The following MPP7 variants were observed in gnomAD, a reference collection of about 807,000 sequenced individuals.
MPP7 encodes the protein MAGUK p55 scaffold protein 7, also known as MAGUK p55 subfamily member 7.
In MPP7, 60 loss-of-function variants were observed where a neutral mutation model predicts 76.5. The ratio of observed to expected loss-of-function variants is 0.78; its 90% CI spans 0.64 to 0.97. MPP7 has a LOEUF of 0.97. Ranked by LOEUF, MPP7 falls within the 50% of genes least tolerant of loss-of-function variation. The pLI is 0.00. For synonymous variants in MPP7, 237 were observed against 244.5 expected, an observed-to-expected ratio of 0.97 and a Z score of 0.29; for missense variants, 641 against 694.0, an observed-to-expected ratio of 0.92 and a Z score of 0.86.
At chr10:28,176,883 G>T (rs187842294) in intron 3 of MPP7, among the ~76,000 whole-genome samples, 11 of 146,946 alleles carry the variant, frequency 7.5e-5, no homozygotes, top group Admixed American at 1.4e-4. Flanking sequence ...GTCGTGGGGT[G>T]GGGGGGTGGG....
intron 12 of MPP7, among the ~76,000 whole-genome samples, chr10:28,080,039 G>T (rs1017852106): frequency 1.4e-5 from 2 of 140,690 alleles, no homozygotes; most frequent in Non-Finnish European, 3.1e-5. Flanking sequence ...AGAAGGCAGA[G>T]GTTGCAGTGA....
At chr10:28,117,825 G>T (rs927860176) in intron 11 of MPP7, among the ~76,000 whole-genome samples, 3 of 151,982 alleles carry the variant, frequency 2.0e-5, no homozygotes, top group Non-Finnish European at 2.9e-5. Flanking sequence ...ATATGTTTAT[G>T]ATTTAATAAG....
At chr10:28,170,798 T>C (rs567583375) in intron 3 of MPP7, among the ~76,000 whole-genome samples, 3 of 152,166 alleles carry the variant, frequency 2.0e-5, no homozygotes, top group Non-Finnish European at 4.4e-5. Flanking sequence ...TTCTTCCCAA[T>C]GCCCATTCAA....
At chr10:28,190,926 G>T (rs910759258) in intron 3 of MPP7, among the ~76,000 whole-genome samples, 1 of 151,900 alleles carries the variant, frequency 6.6e-6, no homozygotes, top group Admixed American at 6.6e-5. Context: ...TACAAATTAC[G>T]AATATCAGAA....
chr10:28,127,694 C>T (rs1166297800), intron 6 of MPP7, among the ~76,000 whole-genome samples: 4 of 152,070 alleles, frequency 2.6e-5, no homozygotes, highest in African/African-American at 7.2e-5. Context: ...TCCCACGACA[C>T]GTGGTTATTA....
chr10:28,302,725 G>A (rs1252749301), intron 1 of MPP7, among the ~76,000 whole-genome samples, 136 bp downstream of exon 1: 2 of 151,982 alleles, frequency 1.3e-5, no homozygotes, highest in Non-Finnish European at 2.9e-5. Context: ...GGCGCCTAGA[G>A]GCCGGCAGGA....
At chr10:28,087,979 T>C (rs1045312982) in intron 12 of MPP7, among the ~76,000 whole-genome samples, 9 of 152,198 alleles carry the variant, frequency 5.9e-5, no homozygotes, top group Non-Finnish European at 1.0e-4. Flanking sequence ...GATGTGGACA[T>C]TATTAATAAA....
rs557098677 is a variant in MPP7, at chr10:28,323,109, A to G, written c.-132+6820T>C. 1.4e-4 allele frequency among the ~76,000 whole-genome samples: 22 copies of G among 152,060 alleles called. No individual in the cohort carries two copies. In the South Asian group the frequency reaches 1.9e-3, roughly 13 times the overall value. On this transcript the variant is annotated intron_variant, in intron 2 of 11. Transcript: ENST00000441595. The stretch of plus-strand genomic sequence containing the variant: ...AGACCATCCTGGCTAACACGGTGAA[A>G]CCCCGTCTCTACTAAAAATACAAAC...
At chr10:28,111,571 A>G (rs1021705748) in intron 11 of MPP7, among the ~76,000 whole-genome samples, 7 of 152,196 alleles carry the variant, frequency 4.6e-5, no homozygotes, top group Non-Finnish European at 8.8e-5. Context: ...AAAATAGTGG[A>G]AAGAAAAAAG....
chr10:28,300,831 C>T (rs923808571), intron 1 of MPP7, among the ~76,000 whole-genome samples: 4 of 151,528 alleles, frequency 2.6e-5, no homozygotes, highest in East Asian at 1.9e-4. Context: ...TGGTGGCATG[C>T]GCCTGTAGTC....
At chr10:28,115,539 C>G (rs556954044) in intron 11 of MPP7, among the ~76,000 whole-genome samples, 1 of 152,248 alleles carries the variant, frequency 6.6e-6, no homozygotes, top group East Asian at 1.9e-4. Flanking sequence ...TCTGAATTAA[C>G]TTTATGTATG....
At chr10:28,273,388 G>C (rs909191517) in intron 1 of MPP7, among the ~76,000 whole-genome samples, 1 of 152,142 alleles carries the variant, frequency 6.6e-6, no homozygotes, top group Non-Finnish European at 1.5e-5. Flanking sequence ...AAAGAACACA[G>C]CCTACAAAAG....
At chr10:28,274,608 A>G (rs1283279691) in intron 1 of MPP7, among the ~76,000 whole-genome samples, 3 of 152,198 alleles carry the variant, frequency 2.0e-5, no homozygotes, top group Non-Finnish European at 4.4e-5. Context: ...AATGAAAAAG[A>G]TTTATAGGGC....
intron 5 of MPP7, among the ~76,000 whole-genome samples, chr10:28,132,397 C>T (rs192714528): frequency 1.9e-4 from 29 of 152,272 alleles, no homozygotes; most frequent in Non-Finnish European, 5.9e-5. Context: ...TCTCCTCTTA[C>T]TGACATTCTC....
At chr10:28,335,000 C>T (rs1834504431), upstream of MPP7, among the ~76,000 whole-genome samples, 1 of 152,172 alleles carries the variant, frequency 6.6e-6, no homozygotes, top group Non-Finnish European at 1.5e-5. Flanking sequence ...GGATCACTCA[C>T]GAGGCGGCAA....
chr10:28,103,953 A>C (rs1330297249), intron 11 of MPP7, among the ~76,000 whole-genome samples: 1 of 152,172 alleles, frequency 6.6e-6, no homozygotes, highest in East Asian at 1.9e-4. Context: ...AACCATGTGA[A>C]ATTGCTGGCA....
chr10:28,279,662 G>A (rs974380531), intron 1 of MPP7, among the ~76,000 whole-genome samples: 8 of 150,624 alleles, frequency 5.3e-5, no homozygotes, highest in Middle Eastern at 3.5e-3. Context: ...CTGAGATTGC[G>A]TCACTGCACT....
chr10:28,210,273 T>C (rs996581560), intron 2 of MPP7, among the ~76,000 whole-genome samples: 7 of 152,170 alleles, frequency 4.6e-5, no homozygotes, highest in Non-Finnish European at 8.8e-5. Flanking sequence ...TATAAGTCAG[T>C]TGGTACAAAA....
chr10:28,150,872 G>C (rs1246790669), intron 3 of MPP7, among the ~76,000 whole-genome samples: 1 of 152,120 alleles, frequency 6.6e-6, no homozygotes, highest in African/African-American at 2.4e-5. Context: ...CTAGCAGAAA[G>C]TTGAGAAACA....
Sources: gnomAD v4.1 joint callset for allele counts (sites outside exome capture counted in the v4.1 genomes callset) on GRCh38, gnomAD v4.1.1 for gene constraint, MANE v1.5 for transcripts, NCBI Gene and HGNC (gene_info 2026-07-23, HGNC 2026-07-21) for gene names.